The following FBXL2 variants were observed in gnomAD, a reference collection of about 807,000 sequenced individuals.
FBXL2 encodes F-box/LRR-repeat protein 2.
FBXL2 carries 38 observed loss-of-function variants against 69.2 expected under a neutral mutation model. The ratio of observed to expected loss-of-function variants is 0.55; its 90% CI spans 0.42 to 0.72. The LOEUF (loss-of-function observed/expected upper bound fraction) is 0.72, where lower values mean the gene tolerates loss of function less well. Ranked by LOEUF, FBXL2 falls within the 30% of genes least tolerant of loss-of-function variation. The pLI is 0.00. For synonymous variants in FBXL2, 192 were observed against 201.3 expected, an observed-to-expected ratio of 0.95 and a Z score of 0.39; for missense variants, 354 against 520.3, an observed-to-expected ratio of 0.68 and a Z score of 3.11.
downstream of FBXL2, chr3:33,391,260 A>T (rs558885409): frequency 6.6e-6 from 1 of 152,366 alleles, no homozygotes; most frequent in Non-Finnish European, 1.5e-5. Flanking sequence ...TTCTAGGGGC[A>T]GCTTTTGTGC....
chr3:33,286,878 C>A (rs561458498), intron 1 of FBXL2, among the ~76,000 whole-genome samples: 1 of 152,212 alleles, frequency 6.6e-6, no homozygotes, highest in African/African-American at 2.4e-5. Context: ...TTTGCTAAGA[C>A]CATTGGAAAA....
intron 1 of FBXL2, among the ~76,000 whole-genome samples, chr3:33,295,146 G>C (rs183679306): frequency 6.6e-6 from 1 of 152,180 alleles, no homozygotes; most frequent in East Asian, 1.9e-4. Flanking sequence ...CACTTAAAAA[G>C]TACACTTCAG....
At chr3:33,369,932 T>C (rs2154046591) in intron 5 of FBXL2, among the ~76,000 whole-genome samples, 1 of 152,296 alleles carries the variant, frequency 6.6e-6, no homozygotes, top group Non-Finnish European at 1.5e-5. Flanking sequence ...GAGATTTAAA[T>C]TTAAAAGTTG....
At chr3:33,395,569 G>A (rs1387625145) in intron 12 of FBXL2, among the ~76,000 whole-genome samples, 2 of 151,682 alleles carry the variant, frequency 1.3e-5, no homozygotes, top group Non-Finnish European at 2.9e-5. Context: ...CCAAGATAAC[G>A]TACTGGGTAG....
chr3:33,325,600 A>G (rs923954927), intron 2 of FBXL2, among the ~76,000 whole-genome samples: 1 of 152,128 alleles, frequency 6.6e-6, no homozygotes, highest in Non-Finnish European at 1.5e-5. Flanking sequence ...CTAGGGATTC[A>G]ATTATGTATT....
At chr3:33,345,445 T>G (rs1465274041) in intron 2 of FBXL2, among the ~76,000 whole-genome samples, 1 of 152,194 alleles carries the variant, frequency 6.6e-6, no homozygotes, top group Non-Finnish European at 1.5e-5. Flanking sequence ...ATAATTCTGG[T>G]ATCAAAACCT....
intron 2 of FBXL2, among the ~76,000 whole-genome samples, chr3:33,319,537 G>A (rs563491424): frequency 5.3e-5 from 8 of 152,168 alleles, no homozygotes; most frequent in Admixed American, 3.3e-4. Flanking sequence ...TATTTACTTC[G>A]ATGAGCAATA....
At chr3:33,307,169 A>G (rs1052660114) in intron 2 of FBXL2, among the ~76,000 whole-genome samples, 5 of 152,192 alleles carry the variant, frequency 3.3e-5, no homozygotes, top group Non-Finnish European at 5.9e-5. Flanking sequence ...TAAGCAAATG[A>G]TCAAAGTTGG....
At chr3:33,336,314 A>G (rs1215251064) in intron 2 of FBXL2, among the ~76,000 whole-genome samples, 1 of 152,198 alleles carries the variant, frequency 6.6e-6, no homozygotes, top group Non-Finnish European at 1.5e-5. Flanking sequence ...TGATTTACCA[A>G]AGTACCCTTA....
chr3:33,395,774 GAAAA>G (rs1333594811), intron 12 of FBXL2, among the ~76,000 whole-genome samples: 3 of 77,524 alleles, frequency 3.9e-5, no homozygotes, highest in Non-Finnish European at 7.8e-5. Context: ...AAAAAAAAAA[GAAAA>G]AGGAAAGAAA....
At chr3:33,384,898 C>T (rs1279561441) in intron 14 of FBXL2, among the ~76,000 whole-genome samples, 3 of 151,872 alleles carry the variant, frequency 2.0e-5, no homozygotes, top group East Asian at 3.9e-4. Flanking sequence ...TAGCTGGCTG[C>T]GTGCCTGTAA....
chr3:33,322,413 G>A (rs558876150), intron 2 of FBXL2, among the ~76,000 whole-genome samples: 1 of 151,950 alleles, frequency 6.6e-6, no homozygotes, highest in Non-Finnish European at 1.5e-5. Context: ...TTATAGCAGT[G>A]GTATTCATAA....
downstream of FBXL2, among the ~76,000 whole-genome samples, chr3:33,404,683 A>G (rs1399001114): frequency 2.0e-5 from 3 of 152,122 alleles, no homozygotes; most frequent in Admixed American, 2.0e-4. Flanking sequence ...AACTCTAATG[A>G]CTAAGTTTTT....
At chr3:33,381,901 T>G (rs756242751) in intron 13 of FBXL2, among the ~76,000 whole-genome samples, 19 of 152,206 alleles carry the variant, frequency 1.2e-4, no homozygotes, top group Non-Finnish European at 2.2e-4. Flanking sequence ...TCCACATTGT[T>G]AAGATCAAGC....
intron 7 of FBXL2, 65 bp from the exon 8 acceptor site, chr3:33,373,513 C>T: frequency 6.2e-7 from 1 of 1,608,014 alleles, no homozygotes; most frequent in Non-Finnish European, 8.5e-7. Context: ...GTACTAAACT[C>T]AGAGTTGGTC....
chr3:33,313,619 TA>T (rs1486673809), intron 2 of FBXL2, among the ~76,000 whole-genome samples: 7 of 151,836 alleles, frequency 4.6e-5, no homozygotes, highest in African/African-American at 1.7e-4. Context: ...ATAATTGTTT[TA>T]TTTTTTTTGT....
chr3:33,284,144 A>G (rs1408798392), intron 1 of FBXL2, among the ~76,000 whole-genome samples: 3 of 152,052 alleles, frequency 2.0e-5, no homozygotes, highest in Admixed American at 1.3e-4. Context: ...GTGATGTTAG[A>G]GTGTCAATTT....
intron 4 of FBXL2, among the ~76,000 whole-genome samples, chr3:33,359,752 G>A (rs1052322614): frequency 1.3e-5 from 2 of 151,442 alleles, no homozygotes; most frequent in Admixed American, 1.3e-4. Context: ...CAAGAGTGAG[G>A]CTGGAGATCT....
chr3:33,365,751 A>C (rs1036408354), intron 5 of FBXL2, among the ~76,000 whole-genome samples: 16 of 123,558 alleles, frequency 1.3e-4, no homozygotes, highest in Admixed American at 3.1e-4. Context: ...ACAAACAAAC[A>C]AACCAACAAC....
Sources: gnomAD v4.1 joint callset for allele counts (sites outside exome capture counted in the v4.1 genomes callset) on GRCh38, gnomAD v4.1.1 for gene constraint, MANE v1.5 for transcripts, NCBI Gene and HGNC (gene_info 2026-07-23, HGNC 2026-07-21) for gene names.